TMEM132B: variants seen among roughly 807,000 people sequenced by gnomAD.
The protein encoded by TMEM132B is transmembrane protein 132B.
TMEM132B carries 18 observed loss-of-function variants against 90.8 expected under a neutral mutation model. The observed-to-expected ratio is 0.20, with a 90% CI of 0.14 to 0.29. The LOEUF is 0.29. TMEM132B is among the 10% of genes least tolerant of loss of function. The probability of loss-of-function intolerance (pLI) is 1.00; values close to 1 mark genes in which losing one functional copy is unlikely to be tolerated. For missense variants in TMEM132B, 1,096 were observed against 1,326.8 expected (o/e 0.83, Z 2.70); for synonymous variants, 504 against 523.3 (o/e 0.96, Z 0.50).
chr12:125,525,792 A>G (rs972073639), intron 4 of TMEM132B, among the ~76,000 whole-genome samples: 1 of 152,050 alleles, frequency 6.6e-6, no homozygotes, highest in Admixed American at 6.5e-5. Flanking sequence ...ATCTTTGCCC[A>G]CTGAGTGGCC....
intron 3 of TMEM132B, among the ~76,000 whole-genome samples, chr12:125,497,505 CT>C: frequency 6.6e-6 from 1 of 152,144 alleles, no homozygotes; most frequent in Non-Finnish European, 1.5e-5. Context: ...AAGTTGTGGA[CT>C]GTTGAAAAGT....
chr12:125,556,539 A>G (rs1884392156), intron 4 of TMEM132B, among the ~76,000 whole-genome samples: 1 of 152,150 alleles, frequency 6.6e-6, no homozygotes. Context: ...GAATTACCCC[A>G]TTTTTAGATG....
At chr12:125,639,248 A>G (rs1381928577) in intron 5 of TMEM132B, among the ~76,000 whole-genome samples, 1 of 152,238 alleles carries the variant, frequency 6.6e-6, no homozygotes, top group Non-Finnish European at 1.5e-5. Context: ...TGGGAATCCA[A>G]GGCCTCACAT....
chr12:125,649,336 A>G (rs571559688), intron 6 of TMEM132B, among the ~76,000 whole-genome samples: 1 of 152,332 alleles, frequency 6.6e-6, no homozygotes, highest in African/African-American at 2.4e-5. Flanking sequence ...ATGCAAAAAT[A>G]AGAACATGTT....
chr12:125,634,345 A>G (rs1235624956), intron 5 of TMEM132B, among the ~76,000 whole-genome samples: 2 of 152,178 alleles, frequency 1.3e-5, no homozygotes, highest in Non-Finnish European at 2.9e-5. Context: ...CTCTGGCCCA[A>G]AGCAGGCCCA....
intron 2 of TMEM132B, among the ~76,000 whole-genome samples, chr12:125,375,833 T>A (rs868002482): frequency 1.1e-4 from 16 of 152,352 alleles, no homozygotes; most frequent in African/African-American, 3.8e-4. Flanking sequence ...TTCTCTCCAA[T>A]AGTTATCAGG....
rs1346357353 is a variant in TMEM132B, at chr12:125,407,285, C to G, written c.960-8246C>G. ...AGGTGAAGGCAAAGGCCAGACCTCT[C>G]TTCGGGCAAAGTTAATCCTTTACTG... On this transcript the variant is annotated intron_variant, in intron 2 of 8. Transcript: ENST00000682704. This position sits in a 1 kb window ranked among gnomAD's most constrained non-coding sequence, Gnocchi z 6.7. Among the ~76,000 whole-genome samples the G allele has an allele frequency of 6.6e-6, 1 of 152,248 alleles. No individual in the cohort carries two copies. Among genetic ancestry groups the G allele is most frequent in the Non-Finnish European group, 1.5e-5 (1 of 68,052 alleles).
rs1299355356 is a variant in TMEM132B at position 125,492,197 on chromosome 12, C to T, written c.1107-27242C>T. ...ACCTTGCAGAAATGGGGTACTGGGG[C>T]GCATAAGGGGCTCGCTGGCCACTTG... On this transcript the variant is annotated intron_variant, in intron 3 of 8. Transcript: ENST00000682704. This position sits in a 1 kb window ranked among gnomAD's most constrained non-coding sequence, Gnocchi z 5.8. Among the ~76,000 whole-genome samples the T allele has an allele frequency of 6.6e-6, 1 of 152,114 alleles. No individual in the cohort carries two copies. The highest frequency in any genetic ancestry group is 6.5e-5 in the Admixed American group (1 of 15,274).
chr12:125,443,281 G>A (rs893585349), intron 3 of TMEM132B, among the ~76,000 whole-genome samples: 6 of 152,176 alleles, frequency 3.9e-5, no homozygotes, highest in Admixed American at 2.0e-4. Flanking sequence ...GATCACCATC[G>A]TAAACTATTG....
chr12:125,582,481 A>G (rs1407342783), intron 4 of TMEM132B, among the ~76,000 whole-genome samples: 1 of 152,104 alleles, frequency 6.6e-6, no homozygotes, highest in African/African-American at 2.4e-5. Context: ...AGACACTGAA[A>G]TAATTATCTA....
chr12:125,375,616 C>T (rs1010750067), intron 2 of TMEM132B, among the ~76,000 whole-genome samples: 2 of 152,338 alleles, frequency 1.3e-5, no homozygotes, highest in Admixed American at 1.3e-4. Flanking sequence ...GTGGCTTATT[C>T]TGTGGCTGGT....
intron 2 of TMEM132B, among the ~76,000 whole-genome samples, chr12:125,391,804 G>A (rs1477813233): frequency 6.6e-6 from 1 of 152,124 alleles, no homozygotes; most frequent in Non-Finnish European, 1.5e-5. Flanking sequence ...TCACTCTGTT[G>A]CCCAGGCTGG....
chr12:125,350,163 C>T lies in TMEM132B; in HGVS notation c.779C>T (p.Ala260Val), dbSNP rs1193509259. Residue 260 changes from alanine to valine, a missense_variant, in exon 2 of 9, where the codon GCC becomes GTC. By Grantham distance (64) the Ala-to-Val change is moderately conservative. Transcript: ENST00000682704. Reference protein sequence around the residue: ...GLESPQQAFPARERIGSVVVY... With the variant: ...GLESPQQAFPVRERIGSVVVY... ...GAGAGCCCCCAGCAAGCGTTTCCAGCCCGAGAGAGGATTGGGAGTGTGGTG... is the reference window on the plus strand; with the variant it reads ...GAGAGCCCCCAGCAAGCGTTTCCAGTCCGAGAGAGGATTGGGAGTGTGGTG... 5 of 1,614,060 alleles carry T rather than the reference C, an allele frequency of 3.1e-6. No individual in the cohort carries two copies. Among genetic ancestry groups the T allele is most frequent in the Admixed American group, 1.7e-5 (1 of 60,002 alleles).
intron 1 of TMEM132B, among the ~76,000 whole-genome samples, chr12:125,215,336 A>C (rs1477911881): frequency 6.6e-6 from 1 of 152,128 alleles, no homozygotes; most frequent in Admixed American, 6.5e-5. Flanking sequence ...AGCTAAAATC[A>C]GGGTGTCAGC....
At chr12:125,434,098 C>T (rs1166703479) in intron 3 of TMEM132B, among the ~76,000 whole-genome samples, 1 of 152,222 alleles carries the variant, frequency 6.6e-6, no homozygotes, top group African/African-American at 2.4e-5. Context: ...AGTTGCCTCC[C>T]TCCTGACAGC....
chr12:125,372,914 C>T (rs1404409782), intron 2 of TMEM132B, among the ~76,000 whole-genome samples: 6 of 152,176 alleles, frequency 3.9e-5, no homozygotes, highest in Admixed American at 3.9e-4. Context: ...TGTTTCCTTT[C>T]CCTGGAATGC....
intron 3 of TMEM132B, among the ~76,000 whole-genome samples, chr12:125,517,634 G>A (rs1883201338): frequency 6.6e-6 from 1 of 152,148 alleles, no homozygotes; most frequent in Non-Finnish European, 1.5e-5. Context: ...TTCCACAGCT[G>A]TGTGTCTCCT....
chr12:125,565,021 C>T (rs924021289), intron 4 of TMEM132B, among the ~76,000 whole-genome samples: 8 of 152,030 alleles, frequency 5.3e-5, no homozygotes, highest in South Asian at 2.1e-4. Context: ...TTTTTGAGCA[C>T]GTTCTTTGGG....
intron 4 of TMEM132B, among the ~76,000 whole-genome samples, chr12:125,569,407 C>A (rs1884737706): frequency 6.6e-6 from 1 of 152,116 alleles, no homozygotes; most frequent in Admixed American, 6.5e-5. Flanking sequence ...GCCTCGGATG[C>A]CCTCTTAGCA....
Sources: allele counts gnomAD v4.1 joint callset (sites outside exome capture counted in the v4.1 genomes callset), GRCh38; gene constraint gnomAD v4.1.1; non-coding constraint Gnocchi (gnomAD v3.1); transcripts MANE v1.5; gene names NCBI Gene and HGNC (gene_info 2026-07-23, HGNC 2026-07-21).